KCNH7: variants seen among roughly 807,000 people sequenced by gnomAD.
KCNH7 encodes the protein potassium voltage-gated channel subfamily H member 7, also known as voltage-gated inwardly rectifying potassium channel KCNH7.
KCNH7 carries 49 observed loss-of-function variants against 120.8 expected under a neutral mutation model. The ratio of observed to expected loss-of-function variants is 0.41; its 90% CI spans 0.32 to 0.51. The LOEUF is 0.51. Ranked by LOEUF, KCNH7 falls within the 20% of genes least tolerant of loss-of-function variation. The pLI is 0.38. For synonymous variants in KCNH7, 547 were observed against 516.1 expected (o/e 1.06, Z -0.81); for missense variants, 1,097 against 1,446.6 (o/e 0.76, Z 3.92).
chr2:162,588,133 C>T (rs1163192471), intron 2 of KCNH7, among the ~76,000 whole-genome samples: 1 of 152,108 alleles, frequency 6.6e-6, no homozygotes, highest in Non-Finnish European at 1.5e-5. Flanking sequence ...ACTGCCACAA[C>T]CTACCATGAG....
intron 2 of KCNH7, among the ~76,000 whole-genome samples, chr2:162,739,315 A>C (rs1408861158): frequency 1.3e-5 from 2 of 152,158 alleles, no homozygotes; most frequent in Non-Finnish European, 2.9e-5. Flanking sequence ...ACTACCTCCC[A>C]GCTGATGTTA....
chr2:162,439,036 T>G (rs1398822029), intron 7 of KCNH7, among the ~76,000 whole-genome samples: 1 of 152,132 alleles, frequency 6.6e-6, no homozygotes, highest in Non-Finnish European at 1.5e-5. Flanking sequence ...TACTCTATTA[T>G]ATTGTGCTAA....
intron 8 of KCNH7, among the ~76,000 whole-genome samples, chr2:162,432,721 A>C (rs1034813861): frequency 6.6e-6 from 1 of 152,028 alleles, no homozygotes; most frequent in Admixed American, 6.6e-5. Context: ...AATGGGAAAA[A>C]ACTGGAAGCA....
At chr2:162,818,984 T>C (rs1437831916) in intron 2 of KCNH7, among the ~76,000 whole-genome samples, 2 of 152,124 alleles carry the variant, frequency 1.3e-5, no homozygotes, top group Non-Finnish European at 2.9e-5. Flanking sequence ...AGAGGATTCA[T>C]CAAACAAATC....
At chr2:162,482,361 A>G (rs1215028901) in intron 6 of KCNH7, among the ~76,000 whole-genome samples, 1 of 152,156 alleles carries the variant, frequency 6.6e-6, no homozygotes, top group African/African-American at 2.4e-5. Context: ...GTAAGAATAC[A>G]GTGATAGGGA....
At chr2:162,485,014 A>T (rs1198013103) in intron 6 of KCNH7, among the ~76,000 whole-genome samples, 1 of 152,210 alleles carries the variant, frequency 6.6e-6, no homozygotes, top group African/African-American at 2.4e-5. Flanking sequence ...CACACGAAAC[A>T]GATTAAGACA....
chr2:162,534,599 T>G (rs931790927), intron 3 of KCNH7, among the ~76,000 whole-genome samples: 1 of 151,686 alleles, frequency 6.6e-6, no homozygotes, highest in Admixed American at 6.6e-5. Context: ...AAAAATAAAT[T>G]TGTCAAGGAG....
chr2:162,632,580 T>C (rs1683813049), intron 2 of KCNH7, among the ~76,000 whole-genome samples: 1 of 151,786 alleles, frequency 6.6e-6, no homozygotes, highest in African/African-American at 2.4e-5. Flanking sequence ...AAGAACGGTG[T>C]CTAAAAAGAG....
intron 4 of KCNH7, among the ~76,000 whole-genome samples, chr2:162,515,666 C>T (rs548267373): frequency 3.0e-4 from 45 of 151,882 alleles, no homozygotes; most frequent in African/African-American, 1.0e-3. Flanking sequence ...CCACAGGACT[C>T]ACTGATCAAA....
At chr2:162,585,410 T>C (rs2105923621) in intron 2 of KCNH7, among the ~76,000 whole-genome samples, 1 of 152,238 alleles carries the variant, frequency 6.6e-6, no homozygotes, top group Admixed American at 6.5e-5. Flanking sequence ...AACAGTTGAA[T>C]ACTTGTGTCT....
chr2:162,449,480 A>G (rs1431297568), intron 6 of KCNH7, among the ~76,000 whole-genome samples: 1 of 152,052 alleles, frequency 6.6e-6, no homozygotes, highest in African/African-American at 2.4e-5. Context: ...TTATTTGGAA[A>G]GAGGGTTTTT....
chr2:162,825,532 G>A (rs1685250610), intron 2 of KCNH7, among the ~76,000 whole-genome samples: 2 of 151,904 alleles, frequency 1.3e-5, no homozygotes, highest in Non-Finnish European at 2.9e-5. Flanking sequence ...GATTTCAAAA[G>A]TTTTAAGATA....
At chr2:162,627,828 A>G (rs1435311280) in intron 2 of KCNH7, among the ~76,000 whole-genome samples, 9 of 152,250 alleles carry the variant, frequency 5.9e-5, no homozygotes, top group African/African-American at 1.2e-4. Flanking sequence ...GAAGGAAACT[A>G]TATCTTTATT....
intron 2 of KCNH7, among the ~76,000 whole-genome samples, chr2:162,757,639 C>G (rs1574349151): frequency 6.6e-6 from 1 of 152,028 alleles, no homozygotes; most frequent in South Asian, 2.1e-4. Flanking sequence ...TGCACAGATA[C>G]TTATTTCTTC....
At chr2:162,400,141 T>C (rs1230622984) in intron 10 of KCNH7, 48 bp downstream of exon 10, 2 of 1,593,472 alleles carry the variant, frequency 1.3e-6, no homozygotes, top group Non-Finnish European at 1.7e-6. Flanking sequence ...AACTATGCAT[T>C]ACAAGCTAAT....
At chr2:162,810,935 C>T (rs1428319992) in intron 2 of KCNH7, among the ~76,000 whole-genome samples, 1 of 152,048 alleles carries the variant, frequency 6.6e-6, no homozygotes, top group African/African-American at 2.4e-5. Flanking sequence ...AAGGCCGCTC[C>T]CCTCAAAAAT....
chr2:162,809,295 T>G (rs1424344251), intron 2 of KCNH7, among the ~76,000 whole-genome samples: 4 of 152,224 alleles, frequency 2.6e-5, no homozygotes, highest in Admixed American at 2.6e-4. Context: ...TATATCAGTT[T>G]AAGTCATAGG....
intron 9 of KCNH7, among the ~76,000 whole-genome samples, chr2:162,422,835 G>T (rs1441646794): frequency 1.3e-5 from 2 of 152,102 alleles, no homozygotes; most frequent in Non-Finnish European, 2.9e-5. Flanking sequence ...ATTCTTAAAA[G>T]TGTGAAACTT....
intron 2 of KCNH7, among the ~76,000 whole-genome samples, chr2:162,715,937 A>G (rs978747528): frequency 1.4e-5 from 2 of 142,746 alleles, no homozygotes; most frequent in African/African-American, 5.7e-5. Flanking sequence ...TCCATCTGGG[A>G]GCATGTCTTT....
Sources: allele counts gnomAD v4.1 joint callset (sites outside exome capture counted in the v4.1 genomes callset), GRCh38; gene constraint gnomAD v4.1.1; transcripts MANE v1.5; gene names NCBI Gene and HGNC (gene_info 2026-07-23, HGNC 2026-07-21).